Variants in GCNA observed in about 807,000 individuals in gnomAD.
The protein encoded by GCNA is germ cell nuclear acidic protein.
GCNA carries 3 observed loss-of-function variants against 38.8 expected under a neutral mutation model. The ratio of observed to expected loss-of-function variants is 0.08; its 90% CI spans 0.04 to 0.20. GCNA has a LOEUF of 0.20. GCNA is among the 10% of genes least tolerant of loss of function. The pLI is 1.00. For synonymous variants in GCNA, 195 were observed against 240.2 expected, an observed-to-expected ratio of 0.81 and a Z score of 1.74; for missense variants, 446 against 578.6, an observed-to-expected ratio of 0.77 and a Z score of 2.35.
At chrX:71,601,142 G>T (rs888073611) in intron 7 of GCNA, among the ~76,000 whole-genome samples, 1 of 111,524 alleles carries the variant, frequency 9.0e-6, no homozygotes, top group Non-Finnish European at 1.9e-5. Context: ...TCAAGAGATC[G>T]AGACCATCTT....
At position 71,591,236 on chromosome X, in the gene GCNA, A is replaced by T. The variant is rs1253009073; in HGVS notation, c.60-886A>T. Among the ~76,000 whole-genome samples, 7 of 111,303 alleles carry T rather than the reference A, an allele frequency of 6.3e-5. No homozygotes were observed. The East Asian group carries it at 2.0e-3, about 31-fold the overall frequency. On this transcript the variant is annotated intron_variant, in intron 2 of 12. Coordinates refer to ENST00000373696, the MANE Select transcript of GCNA (RefSeq NM_052957.5). ...CAGCCGGCTGCTGTCTGGTGAGCTG[A>T]AGGGTTCCGAGCAGGAACCTTGGCT... is the stretch of plus-strand genomic sequence containing the variant.
intron 2 of GCNA, among the ~76,000 whole-genome samples, chrX:71,590,476 A>C (rs1414057344): frequency 8.9e-6 from 1 of 112,077 alleles, no homozygotes; most frequent in Non-Finnish European, 1.9e-5. Context: ...ATACATGGGA[A>C]ACCGTACAGC....
Position 71,604,508 on chromosome X carries a change from G to A in GCNA, c.1231G>A (p.Gly411Arg). The change falls in exon 8 of 13, where the codon GGG (glycine) becomes AGG (arginine). Residue 411 changes from glycine (G) to arginine (R), a missense_variant. Gly to Arg is a moderately radical substitution (Grantham distance 125). Transcript: ENST00000373696. Reference protein sequence around the residue: ...EEPAPVVEQSGKRKSKTKTIV... With the variant: ...EEPAPVVEQSRKRKSKTKTIV... ...GCCTGCACCTGTGGTGGAACAATCA[G>A]GGAAAAGGAAGTCAAAAACCAAAAC... 1 of 1,198,214 alleles carries A rather than the reference G, an allele frequency of 8.3e-7. No homozygotes were observed.
Position 71,602,779 on chromosome X carries a change from C to G in GCNA, c.311-809C>G, listed in dbSNP as rs192063306. Among the ~76,000 whole-genome samples, 4 of 111,853 alleles carry G rather than the reference C, an allele frequency of 3.6e-5. No homozygotes were observed. In the East Asian group the frequency reaches 8.4e-4, roughly 24 times the overall value. The stretch of plus-strand genomic sequence containing the variant: ...CCTTTGCTGTGCAGAAGCTTTTTAA[C>G]TTAATGTGATCCCATTTGTCCATTT... On this transcript the variant is annotated intron_variant, in intron 7 of 12. Transcript: ENST00000373696.
intron 6 of GCNA, among the ~76,000 whole-genome samples, chrX:71,597,291 T>C (rs1156562518): frequency 8.9e-6 from 1 of 111,816 alleles, no homozygotes; most frequent in African/African-American, 3.3e-5. Context: ...TATTTTTCTT[T>C]CATTATGAAA....
chrX:71,595,218 CT>C (rs2040662115), intron 6 of GCNA, among the ~76,000 whole-genome samples: 2 of 111,868 alleles, frequency 1.8e-5, no homozygotes, highest in African/African-American at 6.5e-5. Context: ...TCCTCAGCCT[CT>C]CAAGTAGCTG....
At chrX:71,598,990 G>A (rs913711683) in intron 7 of GCNA, among the ~76,000 whole-genome samples, 48 of 109,372 alleles carry the variant, frequency 4.4e-4, no homozygotes, top group African/African-American at 1.4e-3. Context: ...ACAGGCGCCC[G>A]CCACCATGCC....
intron 1 of GCNA, among the ~76,000 whole-genome samples, chrX:71,579,430 G>A (rs1232967998): frequency 9.7e-6 from 1 of 102,639 alleles, no homozygotes; most frequent in Non-Finnish European, 2.0e-5. Flanking sequence ...GGGGGTTCTG[G>A]TGGCGGCGTA....
At chrX:71,601,686 C>T (rs1160681416) in intron 7 of GCNA, among the ~76,000 whole-genome samples, 2 of 110,814 alleles carry the variant, frequency 1.8e-5, no homozygotes, top group Non-Finnish European at 3.8e-5. Flanking sequence ...GCTGGGACTA[C>T]AGGCACCCTC....
chrX:71,613,144 G>T lies in GCNA; in HGVS notation c.*162G>T. ...ATTAATGTGAGCTATATCCTTTACT[G>T]GTAAGAAGTTTTAGAAAAGTTTGTT... On this transcript the variant is annotated 3_prime_UTR_variant, in exon 13 of 13. Transcript: ENST00000373696. 1 of 684,356 alleles carries T rather than the reference G, an allele frequency of 1.5e-6. No homozygotes were observed. The highest frequency in any genetic ancestry group is 2.1e-6 in the Non-Finnish European group (1 of 485,791). 56.4% of individuals were successfully genotyped at this position (684,356 alleles called of 1,213,427 possible). A position where few individuals can be genotyped will look rare whatever the true frequency, so the allele number is the denominator to read the frequency against.
chrX:71,589,359 T>C (rs968564505), intron 2 of GCNA, among the ~76,000 whole-genome samples: 1 of 105,771 alleles, frequency 9.5e-6, no homozygotes, highest in Admixed American at 1.0e-4. Flanking sequence ...GTGATCATGG[T>C]GCACTGAGGC....
intron 4 of GCNA, 41 bp from the exon 5 acceptor site, chrX:71,594,290 G>A (rs375360667): frequency 1.2e-4 from 125 of 1,043,062 alleles, no homozygotes; most frequent in Admixed American, 3.8e-4. Flanking sequence ...TTATGGCGTC[G>A]ATAGCCCTCC....
In GCNA at chrX:71,609,133, G is replaced by T; in HGVS notation, c.1611+16G>T. On this transcript the variant is annotated intron_variant, in intron 10 of 12. Transcript: ENST00000373696. ...TGATAAAAAGGTAGGATCAATGAAT[G>T]AGCACTGATTGAGCACCTGCTATAC... 3 of 1,197,361 alleles carry T rather than the reference G, an allele frequency of 2.5e-6. No individual in the cohort carries two copies. In the South Asian group the frequency reaches 5.4e-5, roughly 22 times the overall value.
intron 6 of GCNA, among the ~76,000 whole-genome samples, chrX:71,596,354 ATG>A (rs1334887642): frequency 1.8e-5 from 2 of 112,271 alleles, no homozygotes; most frequent in Non-Finnish European, 1.9e-5. Flanking sequence ...TGATTTATAT[ATG>A]GTAAAATTCA....
Position 71,604,345 on chromosome X carries a change from G to A in GCNA, c.1068G>A (p.Glu356=). 1 of 1,212,107 alleles carries A rather than the reference G, an allele frequency of 8.3e-7. No individual in the cohort carries two copies. The highest frequency in any genetic ancestry group is 1.1e-6 in the Non-Finnish European group (1 of 895,582). The change falls in exon 8 of 13, where the codon GAG becomes GAA. Residue 356 remains glutamate (E), a synonymous_variant. Coordinates refer to ENST00000373696, the MANE Select transcript of GCNA (RefSeq NM_052957.5). ...QIASDEEELV[E]AAAAVSQHDS... is the part of the protein sequence containing the mutation. ...CTTCAGATGAAGAAGAGCTGGTTGA[G>A]GCTGCTGCTGCTGTCTCCCAGCATG...
intron 7 of GCNA, 127 bp from the exon 8 acceptor site, chrX:71,603,461 A>C (rs1389780355): frequency 6.1e-6 from 6 of 975,875 alleles, no homozygotes; most frequent in Non-Finnish European, 8.4e-6. Flanking sequence ...CCGATTCTTA[A>C]CTGCTATTCA....
chrX:71,612,688 T>C, intron 12 of GCNA, 129 bp downstream of exon 12: 2 of 896,845 alleles, frequency 2.2e-6, no homozygotes, highest in Non-Finnish European at 3.1e-6. Flanking sequence ...CCACGTTCTC[T>C]TTCTCCTTTC....
At chrX:71,585,931 G>A (rs1374723110) in intron 2 of GCNA, among the ~76,000 whole-genome samples, 1 of 108,177 alleles carries the variant, frequency 9.2e-6, no homozygotes, top group Admixed American at 1.0e-4. Context: ...ATTGAATCCT[G>A]ACTTTGTATG....
At chrX:71,578,765 T>C (rs1373198197) in intron 1 of GCNA, among the ~76,000 whole-genome samples, 4 of 104,886 alleles carry the variant, frequency 3.8e-5, no homozygotes, top group East Asian at 3.2e-4. Flanking sequence ...AGTGGCGGCA[T>C]TGGGAGGGGT....
Sources: allele counts gnomAD v4.1 joint callset (sites outside exome capture counted in the v4.1 genomes callset), GRCh38; gene constraint gnomAD v4.1.1; transcripts MANE v1.5; gene names NCBI Gene and HGNC (gene_info 2026-07-23, HGNC 2026-07-21).